Variants in COL22A1 observed in about 807,000 individuals in gnomAD.
COL22A1 encodes the protein collagen type XXII alpha 1 chain.
Under a neutral mutation model 248.9 loss-of-function variants are expected in COL22A1, and 221 were observed. The observed-to-expected ratio is 0.89, with a 90% confidence interval of 0.80 to 0.99. COL22A1 has a LOEUF of 0.99. Among genes scored for constraint, COL22A1 ranks in the 50% least tolerant of loss-of-function variants. COL22A1 has a pLI of 0.00. For synonymous variants in COL22A1, 891 were observed against 793.4 expected, an observed-to-expected ratio of 1.12 and a Z score of -2.07; for missense variants, 2,240 against 2,179.0, an observed-to-expected ratio of 1.03 and a Z score of -0.56.
chr8:138,682,154 G>GA (rs906568750), intron 39 of COL22A1, among the ~76,000 whole-genome samples: 1 of 152,126 alleles, frequency 6.6e-6, no homozygotes, highest in African/African-American at 2.4e-5. Context: ...ATAAAAAGGG[G>GA]AAAAAACATC....
At chr8:138,828,278 G>A (rs915888883) in intron 5 of COL22A1, among the ~76,000 whole-genome samples, 1 of 151,940 alleles carries the variant, frequency 6.6e-6, no homozygotes, top group Non-Finnish European at 1.5e-5. Context: ...ACATATGTGG[G>A]AGCTGTCCCA....
chr8:138,662,405 T>A (rs1453033111), intron 42 of COL22A1, among the ~76,000 whole-genome samples: 1 of 152,132 alleles, frequency 6.6e-6, no homozygotes, highest in Non-Finnish European at 1.5e-5. Flanking sequence ...AAACCCTGGC[T>A]CACTCCTTTC....
intron 21 of COL22A1, among the ~76,000 whole-genome samples, chr8:138,754,502 C>G (rs1406701154): frequency 6.6e-6 from 1 of 152,142 alleles, no homozygotes; most frequent in Admixed American, 6.6e-5. Flanking sequence ...TTATTTTATT[C>G]CTTTCAATAA....
At chr8:138,763,115 G>A (rs1040335804) in intron 16 of COL22A1, among the ~76,000 whole-genome samples, 1 of 152,134 alleles carries the variant, frequency 6.6e-6, no homozygotes, top group Non-Finnish European at 1.5e-5. Context: ...GCCTGGGCGT[G>A]GTGGCTCACA....
chr8:138,744,482 C>A (rs948798908), intron 22 of COL22A1, among the ~76,000 whole-genome samples: 6 of 122,450 alleles, frequency 4.9e-5, no homozygotes, highest in East Asian at 2.0e-4. Flanking sequence ...ACACACACAC[C>A]ACACACACAC....
intron 58 of COL22A1, among the ~76,000 whole-genome samples, chr8:138,606,105 T>A (rs577665173): frequency 1.3e-5 from 2 of 152,314 alleles, no homozygotes; most frequent in South Asian, 4.1e-4. Flanking sequence ...GCTGTCGTTA[T>A]CCTCGTTTGC....
intron 7 of COL22A1, among the ~76,000 whole-genome samples, chr8:138,818,875 G>A (rs184141112): frequency 6.6e-6 from 1 of 152,166 alleles, no homozygotes; most frequent in East Asian, 1.9e-4. Context: ...AAACAAACAG[G>A]GTGTGATTCC....
chr8:138,730,348 T>A (rs1317748464), intron 23 of COL22A1, among the ~76,000 whole-genome samples: 1 of 152,090 alleles, frequency 6.6e-6, no homozygotes, highest in Non-Finnish European at 1.5e-5. Context: ...GAAGAAGTTA[T>A]CCCTGGAGAC....
At chr8:138,711,074 G>A (rs1245107461) in intron 30 of COL22A1, among the ~76,000 whole-genome samples, 4 of 152,170 alleles carry the variant, frequency 2.6e-5, no homozygotes, top group Non-Finnish European at 5.9e-5. Flanking sequence ...GCTGGAGCAG[G>A]TAGACCCATG....
intron 21 of COL22A1, among the ~76,000 whole-genome samples, chr8:138,754,121 T>C (rs1243697919): frequency 6.6e-6 from 1 of 152,242 alleles, no homozygotes; most frequent in African/African-American, 2.4e-5. Context: ...AATATGCATA[T>C]ATTTGCACAA....
intron 23 of COL22A1, among the ~76,000 whole-genome samples, chr8:138,735,091 G>T (rs570070262): frequency 1.3e-5 from 2 of 152,100 alleles, no homozygotes; most frequent in Admixed American, 1.3e-4. Flanking sequence ...CTAGATGACG[G>T]GTTGATAGGT....
At chr8:138,879,820 G>A (rs1824046610) in intron 2 of COL22A1, among the ~76,000 whole-genome samples, 2 of 142,616 alleles carry the variant, frequency 1.4e-5, no homozygotes, top group African/African-American at 2.6e-5. Flanking sequence ...GGAACACCAG[G>A]CACAAACATT....
chr8:138,592,038 G>A (rs1312074659), intron 63 of COL22A1, among the ~76,000 whole-genome samples: 3 of 152,166 alleles, frequency 2.0e-5, no homozygotes, highest in Non-Finnish European at 4.4e-5. Flanking sequence ...AATTCAACAC[G>A]CATGTGGGCA....
At chr8:138,790,385 C>T (rs1815927562) in intron 12 of COL22A1, among the ~76,000 whole-genome samples, 1 of 152,158 alleles carries the variant, frequency 6.6e-6, no homozygotes, top group Non-Finnish European at 1.5e-5. Context: ...GTTAGGATTT[C>T]AACATATGAA....
At chr8:138,799,657 G>A (rs372994039) in intron 11 of COL22A1, among the ~76,000 whole-genome samples, 6 of 152,120 alleles carry the variant, frequency 3.9e-5, no homozygotes, top group African/African-American at 1.2e-4. Flanking sequence ...TTGATTTCTC[G>A]GTCAAACTGT....
chr8:138,909,514 G>A (rs1215925060), intron 1 of COL22A1, among the ~76,000 whole-genome samples: 1 of 151,880 alleles, frequency 6.6e-6, no homozygotes, highest in Non-Finnish European at 1.5e-5. Context: ...CTTCTCCTTA[G>A]GATACAGTTT....
intron 35 of COL22A1, among the ~76,000 whole-genome samples, chr8:138,692,637 C>T (rs1162687627): frequency 6.6e-6 from 1 of 152,040 alleles, no homozygotes; most frequent in Non-Finnish European, 1.5e-5. Context: ...TGCAGAGAAG[C>T]AGGGAACTCT....
At chr8:138,912,835 C>T (rs1815550088) in intron 1 of COL22A1, among the ~76,000 whole-genome samples, 1 of 152,172 alleles carries the variant, frequency 6.6e-6, no homozygotes, top group Non-Finnish European at 1.5e-5. Context: ...CGGCACACAG[C>T]TCTGGAACAG....
chr8:138,693,267 C>A (rs909555855), intron 35 of COL22A1, among the ~76,000 whole-genome samples: 2 of 151,992 alleles, frequency 1.3e-5, no homozygotes, highest in African/African-American at 4.8e-5. Flanking sequence ...TGTGTGTGTG[C>A]ACCTGTGCAT....
Sources: allele counts gnomAD v4.1 joint callset (sites outside exome capture counted in the v4.1 genomes callset), GRCh38; gene constraint gnomAD v4.1.1; transcripts MANE v1.5; gene names NCBI Gene and HGNC (gene_info 2026-07-23, HGNC 2026-07-21).